The following LHFPL3 variants were observed in gnomAD, a reference collection of about 807,000 sequenced individuals.
The protein encoded by LHFPL3 is LHFPL tetraspan subfamily member 3, also known as LHFPL tetraspan subfamily member 3 protein.
LHFPL3 carries 5 observed loss-of-function variants against 19.3 expected under a neutral mutation model. That is an observed-to-expected ratio of 0.26 (90% CI 0.14 to 0.54). The LOEUF is 0.54. Ranked by LOEUF, LHFPL3 falls within the 20% of genes least tolerant of loss-of-function variation. The probability of loss-of-function intolerance (pLI) is 0.94; values close to 1 mark genes in which losing one functional copy is unlikely to be tolerated. For synonymous variants in LHFPL3, 133 were observed against 126.2 expected (o/e 1.05, Z -0.36); for missense variants, 249 against 307.4 (o/e 0.81, Z 1.42).
chr7:104,685,183 C>T (rs1222295153), intron 1 of LHFPL3, among the ~76,000 whole-genome samples: 1 of 152,024 alleles, frequency 6.6e-6, no homozygotes, highest in East Asian at 1.9e-4. Flanking sequence ...CCCATCTCTA[C>T]TAAAAATACA....
intron 2 of LHFPL3, among the ~76,000 whole-genome samples, chr7:104,847,218 A>G (rs1227664356): frequency 6.6e-6 from 1 of 152,186 alleles, no homozygotes; most frequent in Admixed American, 6.5e-5. Context: ...GATATCACTG[A>G]TCAGGGCTCT....
At chr7:104,626,003 G>A (rs999937450) in intron 1 of LHFPL3, among the ~76,000 whole-genome samples, 2 of 152,154 alleles carry the variant, frequency 1.3e-5, no homozygotes, top group Admixed American at 6.5e-5. Flanking sequence ...GCCCTAATAA[G>A]TTCCACTGTC....
At chr7:104,423,113 G>C (rs1425491665) in intron 1 of LHFPL3, among the ~76,000 whole-genome samples, 1 of 152,172 alleles carries the variant, frequency 6.6e-6, no homozygotes, top group Non-Finnish European at 1.5e-5. Context: ...TGTGTCAGGA[G>C]GTGATGCATG....
chr7:104,865,468 G>A (rs1340788215), intron 2 of LHFPL3, among the ~76,000 whole-genome samples: 1 of 152,060 alleles, frequency 6.6e-6, no homozygotes, highest in Non-Finnish European at 1.5e-5. Context: ...TGGAAGAAAG[G>A]GTATCAGTGA....
intron 1 of LHFPL3, among the ~76,000 whole-genome samples, chr7:104,646,191 T>G (rs1026005556): frequency 6.6e-6 from 1 of 152,202 alleles, no homozygotes; most frequent in African/African-American, 2.4e-5. Flanking sequence ...GAAGCCTAAG[T>G]ACATTATGTG....
At chr7:104,638,012 C>G (rs1437396280) in intron 1 of LHFPL3, among the ~76,000 whole-genome samples, 1 of 152,018 alleles carries the variant, frequency 6.6e-6, no homozygotes, top group Non-Finnish European at 1.5e-5. Context: ...TTGATTCTTC[C>G]TATTCATGAG....
intron 1 of LHFPL3, among the ~76,000 whole-genome samples, chr7:104,578,015 G>T (rs183605920): frequency 6.6e-6 from 1 of 152,058 alleles, no homozygotes; most frequent in South Asian, 2.1e-4. Context: ...CTTGTGTTGC[G>T]GCATGTATAG....
At chr7:104,886,915 C>G (rs1208114059) in intron 2 of LHFPL3, among the ~76,000 whole-genome samples, 1 of 152,150 alleles carries the variant, frequency 6.6e-6, no homozygotes, top group East Asian at 1.9e-4. Flanking sequence ...TAAGTCCTCC[C>G]GGGGTCCCCG....
intron 1 of LHFPL3, among the ~76,000 whole-genome samples, chr7:104,441,629 C>T (rs1471494439): frequency 1.1e-4 from 17 of 152,192 alleles, no homozygotes; most frequent in Admixed American, 5.2e-4. Flanking sequence ...CAAGCTGGGG[C>T]GCATGGCACG....
At chr7:104,880,908 T>G (rs140669765) in intron 2 of LHFPL3, among the ~76,000 whole-genome samples, 1 of 152,168 alleles carries the variant, frequency 6.6e-6, no homozygotes, top group Non-Finnish European at 1.5e-5. Context: ...CGGTGGCTCA[T>G]GCCTGTAATC....
intron 1 of LHFPL3, among the ~76,000 whole-genome samples, chr7:104,348,113 G>T (rs926086909): frequency 6.6e-6 from 1 of 152,164 alleles, no homozygotes. Flanking sequence ...TTGGCTGGGC[G>T]CAGTGGCTCA....
At chr7:104,874,555 C>T (rs763341060) in intron 2 of LHFPL3, among the ~76,000 whole-genome samples, 3 of 151,932 alleles carry the variant, frequency 2.0e-5, no homozygotes, top group African/African-American at 7.3e-5. Context: ...TCACCACACC[C>T]GGCTAATTTT....
chr7:104,543,754 G>T (rs1269899126), intron 1 of LHFPL3, among the ~76,000 whole-genome samples: 1 of 115,702 alleles, frequency 8.6e-6, no homozygotes, highest in African/African-American at 3.2e-5. Flanking sequence ...ATCACACTCT[G>T]GGGTCTGTTG....
intron 1 of LHFPL3, among the ~76,000 whole-genome samples, chr7:104,734,041 A>C (rs1312161796): frequency 1.3e-5 from 2 of 152,164 alleles, no homozygotes; most frequent in Non-Finnish European, 1.5e-5. Flanking sequence ...AGAATGTTGA[A>C]TATTGGCCCC....
At chr7:104,573,660 A>G (rs1364644575) in intron 1 of LHFPL3, among the ~76,000 whole-genome samples, 1 of 152,216 alleles carries the variant, frequency 6.6e-6, no homozygotes, top group Non-Finnish European at 1.5e-5. Flanking sequence ...CCTAACAGCC[A>G]GGGCCTGGGT....
chr7:104,367,420 A>G (rs1222439299), intron 1 of LHFPL3, among the ~76,000 whole-genome samples: 1 of 152,154 alleles, frequency 6.6e-6, no homozygotes, highest in African/African-American at 2.4e-5. Context: ...CTATTTCCAG[A>G]CTAGAGAATT....
chr7:104,484,350 C>G (rs575700541), intron 1 of LHFPL3, among the ~76,000 whole-genome samples: 1 of 152,284 alleles, frequency 6.6e-6, no homozygotes, highest in South Asian at 2.1e-4. Flanking sequence ...AAAGAAACAC[C>G]TTCCATCCCC....
chr7:104,445,289 A>G (rs1056834630), intron 1 of LHFPL3, among the ~76,000 whole-genome samples: 1 of 152,142 alleles, frequency 6.6e-6, no homozygotes, highest in African/African-American at 2.4e-5. Flanking sequence ...TATGGTACAG[A>G]CATAAGAGTC....
chr7:104,365,797 A>AAAAAAAAAAAT (rs1554381866), intron 1 of LHFPL3, among the ~76,000 whole-genome samples: 1 of 125,968 alleles, frequency 7.9e-6, no homozygotes, highest in Non-Finnish European at 1.6e-5. Flanking sequence ...CAAAAAAAAA[A>AAAAAAAAAAAT]AAAAAAAAGA....
Sources: allele counts gnomAD v4.1 joint callset (sites outside exome capture counted in the v4.1 genomes callset), GRCh38; gene constraint gnomAD v4.1.1; transcripts MANE v1.5; gene names NCBI Gene and HGNC (gene_info 2026-07-23, HGNC 2026-07-21).